UBE2J1: variants seen among roughly 807,000 people sequenced by gnomAD.
UBE2J1 encodes ubiquitin conjugating enzyme E2 J1.
A neutral mutation model predicts 42.1 loss-of-function variants in UBE2J1; 17 were observed. That is an observed-to-expected ratio of 0.40 (90% CI 0.28 to 0.61). The LOEUF is 0.61. Among genes scored for constraint, UBE2J1 ranks in the 20% least tolerant of loss-of-function variants. UBE2J1 has a pLI of 0.38. For missense variants in UBE2J1, 291 were observed against 389.4 expected, an observed-to-expected ratio of 0.75 and a Z score of 2.13; for synonymous variants, 127 against 137.2, an observed-to-expected ratio of 0.93 and a Z score of 0.52.
intron 6 of UBE2J1, 24 bp downstream of exon 6, chr6:89,335,278 C>T: frequency 2.6e-6 from 4 of 1,537,298 alleles, no homozygotes; most frequent in Non-Finnish European, 3.5e-6. Context: ...GCAAGATTAG[C>T]ATTTATTTAA....
intron 5 of UBE2J1, among the ~76,000 whole-genome samples, chr6:89,337,326 T>C (rs2127864708): frequency 6.6e-6 from 1 of 151,944 alleles, no homozygotes; most frequent in East Asian, 1.9e-4. Flanking sequence ...ATACTATGTA[T>C]TCAAAGTACA....
chr6:89,343,693 T>C lies in UBE2J1; in HGVS notation c.95A>G (p.Gln32Arg), dbSNP rs1179687110. 2 of 1,606,330 alleles carry C rather than the reference T, an allele frequency of 1.2e-6. No individual in the cohort carries two copies. Among genetic ancestry groups the C allele is most frequent in the Admixed American group, 1.7e-5 (1 of 59,104 alleles). ...GAGATAGAAACTAACCTCTAAAGGCTGCGCATGGTAATGATCTGTTGGATC... is the reference window on the plus strand; with the variant it reads ...GAGATAGAAACTAACCTCTAAAGGCCGCGCATGGTAATGATCTGTTGGATC... ...LKDPTDHYHA[Q>R]PLEDNLFEWH... is the part of the protein sequence containing the mutation. Residue 32 changes from glutamine (Q) to arginine (R), a missense_variant, in exon 2 of 8, where the codon CAG becomes CGG. Gln to Arg is a conservative substitution (Grantham distance 43). Transcript: ENST00000435041.
intron 5 of UBE2J1, among the ~76,000 whole-genome samples, chr6:89,336,886 G>A (rs961229881): frequency 2.0e-5 from 3 of 151,692 alleles, no homozygotes; most frequent in Non-Finnish European, 4.4e-5. Flanking sequence ...TGTCCCACAG[G>A]CTTGAGTGCA....
chr6:89,335,264 G>A, intron 6 of UBE2J1, 38 bp downstream of exon 6: 13 of 1,530,212 alleles, frequency 8.5e-6, no homozygotes, highest in Non-Finnish European at 1.1e-5. Flanking sequence ...TAAACAAAAG[G>A]GTTGCAAGAT....
intron 6 of UBE2J1, 44 bp downstream of exon 6, chr6:89,335,258 C>T (rs753527461): frequency 3.9e-6 from 6 of 1,520,146 alleles, no homozygotes; most frequent in Non-Finnish European, 4.4e-6. Flanking sequence ...CAGCAGTAAA[C>T]AAAAGGGTTG....
At chr6:89,352,476 G>A in intron 1 of UBE2J1, 63 bp downstream of exon 1, 2 of 1,502,002 alleles carry the variant, frequency 1.3e-6, no homozygotes, top group Non-Finnish European at 1.8e-6. Context: ...GACCGAGGCG[G>A]CGACCACCCC....
chr6:89,333,654 G>A (rs958380796), intron 6 of UBE2J1, among the ~76,000 whole-genome samples: 8 of 152,174 alleles, frequency 5.3e-5, no homozygotes, highest in Non-Finnish European at 1.0e-4. Context: ...GCCCCAGATC[G>A]CACGGCAGGT....
chr6:89,334,461 CTTTTTCT>C (rs1416006848), intron 6 of UBE2J1, among the ~76,000 whole-genome samples: 4 of 150,008 alleles, frequency 2.7e-5, no homozygotes, highest in Non-Finnish European at 5.9e-5. Context: ...ATGTCATTTT[CTTTTTCT>C]TTTTTCTTTT....
intron 1 of UBE2J1, among the ~76,000 whole-genome samples, chr6:89,350,596 T>C (rs936461704): frequency 6.6e-6 from 1 of 152,174 alleles, no homozygotes; most frequent in African/African-American, 2.4e-5. Flanking sequence ...TGTGTTTTTT[T>C]TTTTAGAGCA....
rs184944552 is a variant in UBE2J1 at position 89,345,645 on chromosome 6, G to T, written c.32-1889C>A. Among the ~76,000 whole-genome samples the T allele has an allele frequency of 3.9e-3, 566 of 144,492 alleles. 1 individual carries two copies. The highest frequency in any genetic ancestry group is 0.014 in the African/African-American group (538 of 39,012). 94.8% of individuals were successfully genotyped at this position (144,492 alleles called of 152,430 possible). A position where few individuals can be genotyped will look rare whatever the true frequency, so the allele number is the denominator to read the frequency against. Reference sequence around the variant, plus strand: ...AAACAAAACCAGGCACGGTGGCTTAGGCCTGTAATCCCAGCACTTTGGGAG... The same window carrying T: ...AAACAAAACCAGGCACGGTGGCTTATGCCTGTAATCCCAGCACTTTGGGAG... On this transcript the variant is annotated intron_variant, in intron 1 of 7. Coordinates refer to ENST00000435041, the MANE Select transcript of UBE2J1 (RefSeq NM_016021.3).
intron 1 of UBE2J1, among the ~76,000 whole-genome samples, chr6:89,349,697 C>T (rs548147948): frequency 6.4e-4 from 97 of 152,116 alleles, no homozygotes; most frequent in African/African-American, 2.2e-3. Context: ...CTATAGCTTA[C>T]GAGAAGGGCC....
chr6:89,334,163 C>T (rs1047323686), intron 6 of UBE2J1, among the ~76,000 whole-genome samples: 13 of 150,832 alleles, frequency 8.6e-5, no homozygotes, highest in Non-Finnish European at 1.8e-4. Flanking sequence ...ACCACCATGC[C>T]GAGCTAATTT....
At chr6:89,347,601 A>G (rs1405720394) in intron 1 of UBE2J1, among the ~76,000 whole-genome samples, 1 of 152,264 alleles carries the variant, frequency 6.6e-6, no homozygotes, top group Non-Finnish European at 1.5e-5. Flanking sequence ...ATAGCTAATT[A>G]GTTCATAAGT....
At chr6:89,343,434 C>CAAAAAAAAAAAAAA (rs58981898) in intron 2 of UBE2J1, among the ~76,000 whole-genome samples, 2 of 81,040 alleles carry the variant, frequency 2.5e-5, no homozygotes, top group African/African-American at 4.9e-5. Context: ...GACTCCGCCT[C>CAAAAAAAAAAAAAA]AAAAAAAAAA....
chr6:89,342,317 T>C lies in UBE2J1; in HGVS notation c.237+7A>G. On this transcript the variant is annotated splice_region_variant and intron_variant, in intron 3 of 7. Coordinates refer to ENST00000435041, the MANE Select transcript of UBE2J1 (RefSeq NM_016021.3). ...CCACAAGCACTCTAAAAATCCAAAA[T>C]TCTTACCGTTAGGAGAATAATGCTT... is the stretch of plus-strand genomic sequence containing the variant. 6.2e-7 allele frequency: 1 copy of C among 1,613,906 alleles called. No homozygotes were observed. Among genetic ancestry groups the C allele is most frequent in the Non-Finnish European group, 8.5e-7 (1 of 1,179,928 alleles).
At chr6:89,345,003 AG>A (rs762540629) in intron 1 of UBE2J1, among the ~76,000 whole-genome samples, 31 of 152,342 alleles carry the variant, frequency 2.0e-4, no homozygotes, top group Middle Eastern at 3.4e-3. Flanking sequence ...GTTAGGGAAA[AG>A]GCTTCTCAAA....
In UBE2J1 at chr6:89,338,311, C is replaced by A. The variant is rs1187280153; in HGVS notation, c.323-1G>T. 1 of 1,610,162 alleles carries A rather than the reference C, an allele frequency of 6.2e-7. No homozygotes were observed. The highest frequency in any genetic ancestry group is 2.2e-5 in the East Asian group (1 of 44,798). ...ATGATGGCTAATAATGCTGTCCTTA[C>A]TGAAATAAAAAAGTAAATATCAATC... On this transcript the variant is annotated splice_acceptor_variant, in intron 4 of 7. Transcript: ENST00000435041. LOFTEE classifies it high-confidence loss of function.
intron 1 of UBE2J1, among the ~76,000 whole-genome samples, chr6:89,351,605 C>A (rs1395065410): frequency 1.3e-5 from 2 of 152,182 alleles, no homozygotes; most frequent in Admixed American, 1.3e-4. Flanking sequence ...TACTGAGAAA[C>A]AGCTTTTTTT....
At chr6:89,330,841 T>C (rs1234932645) in intron 7 of UBE2J1, among the ~76,000 whole-genome samples, 1 of 152,162 alleles carries the variant, frequency 6.6e-6, no homozygotes. Context: ...TAGTGATATA[T>C]ATATAAATTT....
Sources: gnomAD v4.1 joint callset for allele counts (sites outside exome capture counted in the v4.1 genomes callset) on GRCh38, gnomAD v4.1.1 for gene constraint, MANE v1.5 for transcripts, NCBI Gene and HGNC (gene_info 2026-07-23, HGNC 2026-07-21) for gene names.